ZNF692: variants seen among roughly 807,000 people sequenced by gnomAD.
ZNF692 encodes the protein zinc finger protein 692, also known as AICAR responsive element binding protein.
In ZNF692, 41 loss-of-function variants were observed where a neutral mutation model predicts 49.0. The ratio of observed to expected loss-of-function variants is 0.84; its 90% CI spans 0.65 to 1.08. The LOEUF (loss-of-function observed/expected upper bound fraction) is 1.08. Among genes scored for constraint, ZNF692 ranks in the 50% least tolerant of loss-of-function variants. The pLI is 0.00. For missense variants in ZNF692, 662 were observed against 662.2 expected (o/e 1.00, Z 0.00); for synonymous variants, 288 against 251.5 (o/e 1.15, Z -1.37).
intron 10 of ZNF692, chr1:248,851,069 C>T (rs542719160): frequency 8.6e-5 from 49 of 572,180 alleles, no homozygotes; most frequent in African/African-American, 7.4e-4. Context: ...AGTGCACCAC[C>T]CCACCTCAGC....
At position 248,850,287 on chromosome 1, in the gene ZNF692, G is replaced by A. The variant is rs2103034704; in HGVS notation, c.1483C>T (p.Pro495Ser). 1 of 1,609,088 alleles carries A rather than the reference G, an allele frequency of 6.2e-7. No homozygotes were observed. Among genetic ancestry groups the A allele is most frequent in the Non-Finnish European group, 8.5e-7 (1 of 1,176,678 alleles). ...CCCTCGCTGGATCCCAGAGGCCCAGGGGCAGAGATGCTGGGACAGGGCTCT... is the reference window on the plus strand; with the variant it reads ...CCCTCGCTGGATCCCAGAGGCCCAGAGGCAGAGATGCTGGGACAGGGCTCT... ...PLEPCPSISA[P>S]GPLGSSEGSR... Residue 495 changes from proline to serine, a missense_variant, in exon 12 of 12, where the codon CCT (proline) becomes TCT (serine). By Grantham distance (74) the Pro-to-Ser change is moderately conservative. Coordinates refer to ENST00000306601, the MANE Select transcript of ZNF692 (RefSeq NM_017865.4).
In ZNF692 at chr1:248,858,612, G is replaced by C; in HGVS notation, c.-12-291C>G. The stretch of plus-strand genomic sequence containing the variant: ...AAGTGGAGCTGTGGGGAAGGGGCGA[G>C]AGACTTTCACGGGAAATTTCAACTG... On this transcript the variant is annotated intron_variant, in intron 1 of 11. Transcript: ENST00000306601. This position sits in a 1 kb window ranked among gnomAD's most constrained non-coding sequence, Gnocchi z 4.3. 1.3e-6 allele frequency: 2 copies of C among 1,512,206 alleles called. No individual in the cohort carries two copies. The highest frequency in any genetic ancestry group is 1.2e-5 in the South Asian group (1 of 83,254). 93.7% of individuals were successfully genotyped at this position (1,512,206 alleles called of 1,614,324 possible). A position where few individuals can be genotyped will look rare whatever the true frequency, so the allele number is the denominator to read the frequency against.
chr1:248,856,325 C>A lies in ZNF692; in HGVS notation c.622G>T (p.Asp208Tyr). The part of the protein sequence containing the change: ...NDEDEEEMLS[D>Y]ASLWTYSSSP... ...GAGCTGTAGGTCCATAAGCTGGCAT[C>A]ACTGAGCATCTCCTCTTCATCCTCA... The change falls in exon 6 of 12, where the codon GAT becomes TAT. Residue 208 changes from aspartate (D) to tyrosine (Y), a missense_variant. By Grantham distance (160) the Asp-to-Tyr change is radical. Transcript: ENST00000306601. 3 of 1,607,758 alleles carry A rather than the reference C, an allele frequency of 1.9e-6. No individual in the cohort carries two copies. Among genetic ancestry groups the A allele is most frequent in the Non-Finnish European group, 2.5e-6 (3 of 1,176,562 alleles).
Position 248,855,771 on chromosome 1 carries a change from G to C in ZNF692, c.835C>G (p.Leu279Val), listed in dbSNP as rs770437402. The C allele has an allele frequency of 2.5e-6, 4 of 1,614,208 alleles. No individual in the cohort carries two copies. The highest frequency in any genetic ancestry group is 2.7e-5 in the African/African-American group (2 of 75,052). ...TGGGCCGCTTGAGGGGTCCTGCTGA[G>C]CTGTGGCTGCACCCTGACTTCTGCA... ...PPAEVRVQPQ[L>V]SRTPQAAQQT... Residue 279 changes from leucine to valine, a missense_variant, in exon 7 of 12, where the codon CTC (leucine) becomes GTC (valine). By Grantham distance (32) the Leu-to-Val change is conservative. Transcript: ENST00000306601.
Position 248,850,241 on chromosome 1 carries a change from G to A in ZNF692, c.1529C>T (p.Pro510Leu). 6.4e-7 allele frequency: 1 copy of A among 1,553,710 alleles called. No homozygotes were observed. Among genetic ancestry groups the A allele is most frequent in the Admixed American group, 2.0e-5 (1 of 50,886 alleles). ...CTGAGGAAGCAGGGTTGGAGCCTGA[G>A]GAGATGCAGAGGGCCTGGACCCCTC... ...SSEGSRPSAS[P>L]QAPTLLPQQ Residue 510 changes from proline to leucine, a missense_variant, in exon 12 of 12, where the codon CCT (proline) becomes CTT (leucine). Pro to Leu is a moderately conservative substitution (Grantham distance 98, BLOSUM62 -3). Coordinates refer to ENST00000306601, the MANE Select transcript of ZNF692 (RefSeq NM_017865.4).
chr1:248,855,385 A>C lies in ZNF692; in HGVS notation c.1033T>G (p.Leu345Val). 1 of 1,614,078 alleles carries C rather than the reference A, an allele frequency of 6.2e-7. No individual in the cohort carries two copies. The highest frequency in any genetic ancestry group is 2.2e-5 in the East Asian group (1 of 44,868). ...CCCCAACCTGTGCCCCTCACATTCA[A>C]ATACTGCCGGTTGGAGAAGATCCTT... ...CGRIFSNRQY[L>V]NHHKKYQHIH... Residue 345 changes from leucine to valine, a missense_variant, in exon 9 of 12, where the codon TTG becomes GTG. By Grantham distance (32) the Leu-to-Val change is conservative. Coordinates refer to ENST00000306601, the MANE Select transcript of ZNF692 (RefSeq NM_017865.4).
Position 248,850,193 on chromosome 1 carries a change from C to T in ZNF692, c.*17G>A. 1 of 1,510,460 alleles carries T rather than the reference C, an allele frequency of 6.6e-7. No individual in the cohort carries two copies. The highest frequency in any genetic ancestry group is 8.9e-7 in the Non-Finnish European group (1 of 1,129,522). The allele number at this position is 1,510,460 out of a possible 1,614,324, so 93.6% of individuals were successfully genotyped here. ...TCCCTGGAGTCTGGCTTCCCAAAGC[C>T]AAAGCTGGAGGAGAGCTCATTGCTG... On this transcript the variant is annotated 3_prime_UTR_variant, in exon 12 of 12. Transcript: ENST00000306601.
Position 248,857,460 on chromosome 1 carries a change from C to G in ZNF692, c.249G>C (p.Leu83=). 4 of 1,614,024 alleles carry G rather than the reference C, an allele frequency of 2.5e-6. No homozygotes were observed. Among genetic ancestry groups the G allele is most frequent in the Non-Finnish European group, 3.4e-6 (4 of 1,180,008 alleles). Residue 83 remains leucine, a synonymous_variant, in exon 4 of 12, where the codon CTG becomes CTC. Transcript: ENST00000306601. ...EPLPPKGLQY[L]VLLSHAHSRE... Reference sequence around the variant, plus strand: ...GGCTGTGGGCATGAGACAAGAGCACCAGATACTGCAGACCTTTTGGAGGCA... The same window carrying G: ...GGCTGTGGGCATGAGACAAGAGCACGAGATACTGCAGACCTTTTGGAGGCA...
Position 248,853,907 on chromosome 1 carries a change from C to G in ZNF692, c.1153+30G>C. ...ACCCACAAAGGAAGGTAAAAGGTCC[C>G]ACAGAGGAAGGTGGAGTTCCACCAC... On this transcript the variant is annotated intron_variant, in intron 10 of 11. Coordinates refer to ENST00000306601, the MANE Select transcript of ZNF692 (RefSeq NM_017865.4). 1.9e-6 allele frequency: 3 copies of G among 1,573,638 alleles called. No individual in the cohort carries two copies. In the East Asian group the frequency reaches 6.7e-5, roughly 35 times the overall value.
In ZNF692 at chr1:248,855,470, A is replaced by C; in HGVS notation, c.960-12T>G. On this transcript the variant is annotated splice_polypyrimidine_tract_variant and intron_variant, in intron 8 of 11. Coordinates refer to ENST00000306601, the MANE Select transcript of ZNF692 (RefSeq NM_017865.4). ...TTTTGGCAGCTTTCCTGAGGAGAAGAATGGAAAGGAGCAGCATGACTCCTG... is the reference window on the plus strand; with the variant it reads ...TTTTGGCAGCTTTCCTGAGGAGAAGCATGGAAAGGAGCAGCATGACTCCTG... 6.2e-7 allele frequency: 1 copy of C among 1,614,034 alleles called. No individual in the cohort carries two copies. The highest frequency in any genetic ancestry group is 8.5e-7 in the Non-Finnish European group (1 of 1,179,970).
chr1:248,857,544 C>A, intron 3 of ZNF692, 47 bp from the exon 4 acceptor site: 1 of 1,575,210 alleles, frequency 6.3e-7, no homozygotes. Flanking sequence ...AAGTCTCCTC[C>A]TCTTACCCTG....
rs547749160 is a variant in ZNF692, at chr1:248,854,014, A to G, written c.1076T>C (p.Phe359Ser). 21 of 1,614,028 alleles carry G rather than the reference A, an allele frequency of 1.3e-5. No homozygotes were observed. The highest frequency in any genetic ancestry group is 1.7e-5 in the Non-Finnish European group (20 of 1,180,004). ...CCCACAGGCTGGCTCTGGGCAGGAG[A>G]AAGACTTCTGGTGGATGTGCTGGTA... ...KKYQHIHQKS[F>S]SCPEPACGKS... Residue 359 changes from phenylalanine to serine, a missense_variant, in exon 10 of 12, where the codon TTC (phenylalanine) becomes TCC (serine). Phe to Ser is a radical substitution (Grantham distance 155, BLOSUM62 -2). Coordinates refer to ENST00000306601, the MANE Select transcript of ZNF692 (RefSeq NM_017865.4).
chr1:248,857,640 C>T, intron 3 of ZNF692, 143 bp from the exon 4 acceptor site: 2 of 1,471,782 alleles, frequency 1.4e-6, no homozygotes, highest in South Asian at 2.8e-5. Context: ...AGAACCTAGA[C>T]ACACTAGATC....
At position 248,853,401 on chromosome 1, in the gene ZNF692, C is replaced by T. The variant is rs541193537; in HGVS notation, c.1153+536G>A. On this transcript the variant is annotated intron_variant, in intron 10 of 11. Coordinates refer to ENST00000306601, the MANE Select transcript of ZNF692 (RefSeq NM_017865.4). ...TCACTTAAAGCAGATGTCAAACTGT[C>T]CTGTGGATGGTCTCAGAGGCCTCCA... Among the ~76,000 whole-genome samples, 8 of 152,318 alleles carry T rather than the reference C, an allele frequency of 5.3e-5. No homozygotes were observed. The South Asian group carries it at 1.7e-3, about 32-fold the overall frequency.
In ZNF692 at chr1:248,858,032, A is replaced by T; in HGVS notation, c.179+99T>A. 1.3e-6 allele frequency: 2 copies of T among 1,546,044 alleles called. No individual in the cohort carries two copies. The highest frequency in any genetic ancestry group is 1.7e-6 in the Non-Finnish European group (2 of 1,151,180). Reference sequence around the variant, plus strand: ...CACAGGCCGTCCTGGTAAAGTGAGAAACCTGAGGGTGGAAAAGAGCAGCAG... The same window carrying T: ...CACAGGCCGTCCTGGTAAAGTGAGATACCTGAGGGTGGAAAAGAGCAGCAG... On this transcript the variant is annotated intron_variant, in intron 2 of 11. Coordinates refer to ENST00000306601, the MANE Select transcript of ZNF692 (RefSeq NM_017865.4). The surrounding 1 kb of genome is among the most constrained non-coding windows in gnomAD (Gnocchi z 4.3).
Position 248,855,369 on chromosome 1 carries a change from G to T in ZNF692, c.1038+11C>A, listed in dbSNP as rs755254425. ...CCAGCAGCCACACAGGCCCCAACCT[G>T]TGCCCCTCACATTCAAATACTGCCG... On this transcript the variant is annotated intron_variant, in intron 9 of 11. Transcript: ENST00000306601. 2.5e-6 allele frequency: 4 copies of T among 1,613,758 alleles called. No individual in the cohort carries two copies. The African/African-American group carries it at 5.3e-5, about 22-fold the overall frequency.
At position 248,858,156 on chromosome 1, in the gene ZNF692, G is replaced by A; in HGVS notation, c.154C>T (p.Gln52Ter). 1 of 1,569,728 alleles carries A rather than the reference G, an allele frequency of 6.4e-7. No homozygotes were observed. The highest frequency in any genetic ancestry group is 8.6e-7 in the Non-Finnish European group (1 of 1,159,538). The change falls in exon 2 of 12, where the codon CAG (glutamine) becomes TAG (stop). Residue 52 changes from glutamine (Q) to a stop codon, truncating the protein, a stop_gained. Coordinates refer to ENST00000306601, the MANE Select transcript of ZNF692 (RefSeq NM_017865.4). LOFTEE classifies it high-confidence loss of function. This position sits in a 1 kb window ranked among gnomAD's most constrained non-coding sequence, Gnocchi z 4.3. Reference sequence around the variant, plus strand: ...CGGTCCAACAGGAACTTGGCGAGCTGCGAGTGCAGGGAGAAGCCCAGCCGC... The same window carrying A: ...CGGTCCAACAGGAACTTGGCGAGCTACGAGTGCAGGGAGAAGCCCAGCCGC... ...KERLGFSLHS[Q>*]LAKFLLDRYT...
rs1463037713 is a variant in ZNF692 at position 248,857,272 on chromosome 1, C to A, written c.437G>T (p.Ser146Ile). Residue 146 changes from serine to isoleucine, a missense_variant, in exon 4 of 12, where the codon AGT (serine) becomes ATT (isoleucine). By Grantham distance (142) the Ser-to-Ile change is moderately radical (BLOSUM62 -2). Coordinates refer to ENST00000306601, the MANE Select transcript of ZNF692 (RefSeq NM_017865.4). ...CCCACTCGTGGCCTCGGAACACCAA[C>A]TTCTCCGAGTAGTATGTGGAAGGGA... ...PASLPHTTRR[S>I]WCSEATSGQE... is the part of the protein sequence containing the mutation. 1 of 1,614,026 alleles carries A rather than the reference C, an allele frequency of 6.2e-7. No individual in the cohort carries two copies. The highest frequency in any genetic ancestry group is 1.3e-5 in the African/African-American group (1 of 74,926).
chr1:248,858,581 C>A lies in ZNF692; in HGVS notation c.-12-260G>T. On this transcript the variant is annotated intron_variant, in intron 1 of 11. Coordinates refer to ENST00000306601, the MANE Select transcript of ZNF692 (RefSeq NM_017865.4). This position sits in a 1 kb window ranked among gnomAD's most constrained non-coding sequence, Gnocchi z 4.3. ...AGAACAAAGGCCTGCGCCCTCCAGT[C>A]CACTGAAGTGGAGCTGTGGGGAAGG... 6.5e-7 allele frequency: 1 copy of A among 1,548,488 alleles called. No individual in the cohort carries two copies. Among genetic ancestry groups the A allele is most frequent in the South Asian group, 1.2e-5 (1 of 83,976 alleles).
Sources: allele counts gnomAD v4.1 joint callset (sites outside exome capture counted in the v4.1 genomes callset), GRCh38; gene constraint gnomAD v4.1.1; non-coding constraint Gnocchi (gnomAD v3.1); transcripts MANE v1.5; gene names NCBI Gene and HGNC (gene_info 2026-07-23, HGNC 2026-07-21).